FBXW8: variants seen among roughly 807,000 people sequenced by gnomAD.
FBXW8 encodes the protein F-box and WD repeat domain containing 8, also known as F-box/WD repeat-containing protein 8.
Under a neutral mutation model 65.3 loss-of-function variants are expected in FBXW8, and 57 were observed. That is an observed-to-expected ratio of 0.87 (90% CI 0.71 to 1.09). FBXW8 has a LOEUF of 1.09. FBXW8 is among the 50% of genes least tolerant of loss of function. The pLI is 0.00. For missense variants in FBXW8, 777 were observed against 814.8 expected, an observed-to-expected ratio of 0.95 and a Z score of 0.57; for synonymous variants, 308 against 330.2, an observed-to-expected ratio of 0.93 and a Z score of 0.73.
rs149559262 is a variant in FBXW8 at position 116,917,471 on chromosome 12, C to T, written c.318+6116C>T. Among the ~76,000 whole-genome samples the T allele has an allele frequency of 1.4e-3, 208 of 152,352 alleles. 1 individual carries two copies. The highest frequency in any genetic ancestry group is 4.3e-3 in the African/African-American group (178 of 41,584). ...CCTTCTTACACTTCCTCCCTGCCCC[C>T]GTTTCTTCTCCAACCTTTGGCACTT... On this transcript the variant is annotated intron_variant, in intron 1 of 10. Transcript: ENST00000652555.
rs2137391106 is a variant in FBXW8, at chr12:116,964,781, T to C, written c.762T>C (p.Asp254=). 6.2e-7 allele frequency: 1 copy of C among 1,613,438 alleles called. No individual in the cohort carries two copies. Among genetic ancestry groups the C allele is most frequent in the Admixed American group, 1.7e-5 (1 of 60,010 alleles). ...TCCTGGAATCAGAGGACGAGGAGGA[T>C]GAGCCTGGAATGCAGCCAAATGTCT... is the stretch of plus-strand genomic sequence containing the variant. The part of the protein sequence containing the change: ...APFLESEDEE[D]EPGMQPNVSF... Residue 254 remains aspartate (D), a synonymous_variant, in exon 5 of 11, where the codon GAT becomes GAC. Coordinates refer to ENST00000652555, the MANE Select transcript of FBXW8 (RefSeq NM_153348.3).
At chr12:116,956,957 G>C (rs1565913629) in intron 4 of FBXW8, among the ~76,000 whole-genome samples, 1 of 151,590 alleles carries the variant, frequency 6.6e-6, no homozygotes, top group Non-Finnish European at 1.5e-5. Context: ...AACAGAGTGA[G>C]ACTCCATCTC....
chr12:116,923,717 A>AATTT (rs567674322), intron 1 of FBXW8, among the ~76,000 whole-genome samples: 6 of 140,220 alleles, frequency 4.3e-5, no homozygotes, highest in Admixed American at 7.2e-5. Context: ...TTAATTAATT[A>AATTT]ATTTATTTAT....
At chr12:117,001,982 TGA>T (rs374116125) in intron 7 of FBXW8, among the ~76,000 whole-genome samples, 1 of 152,126 alleles carries the variant, frequency 6.6e-6, no homozygotes, top group Non-Finnish European at 1.5e-5. Flanking sequence ...ACGGACGTGC[TGA>T]GAGAGAGAGA....
intron 7 of FBXW8, among the ~76,000 whole-genome samples, chr12:116,991,750 G>T (rs1315232104): frequency 6.6e-6 from 1 of 152,226 alleles, no homozygotes; most frequent in African/African-American, 2.4e-5. Flanking sequence ...TTTAGCTGTA[G>T]TCCATTATTG....
chr12:116,912,574 C>T (rs1048278556), intron 1 of FBXW8, among the ~76,000 whole-genome samples: 2 of 151,406 alleles, frequency 1.3e-5, no homozygotes, highest in Admixed American at 6.6e-5. Flanking sequence ...ATTCTCCTGC[C>T]TCAGCCTCCC....
chr12:117,027,332 T>C, intron 9 of FBXW8, 62 bp from the exon 10 acceptor site: 1 of 1,289,024 alleles, frequency 7.8e-7, no homozygotes. Flanking sequence ...CTCCCAGGCC[T>C]GCGGCAGCAA....
chr12:116,918,893 A>T (rs1880650694), intron 1 of FBXW8, among the ~76,000 whole-genome samples: 1 of 152,172 alleles, frequency 6.6e-6, no homozygotes. Context: ...CACCTTATCC[A>T]CTGGAGATAC....
intron 6 of FBXW8, chr12:116,987,129 A>G (rs1885750266): frequency 6.6e-6 from 1 of 152,234 alleles, no homozygotes; most frequent in African/African-American, 2.4e-5. Flanking sequence ...CTGCGATATT[A>G]GCCTAGTGCG....
At chr12:116,983,252 T>C (rs1042875215) in intron 5 of FBXW8, among the ~76,000 whole-genome samples, 15 of 152,202 alleles carry the variant, frequency 9.9e-5, no homozygotes, top group African/African-American at 3.4e-4. Context: ...ATCTCCCATC[T>C]GATATGTAGA....
chr12:116,928,394 G>A (rs1009333096), intron 2 of FBXW8, among the ~76,000 whole-genome samples: 4 of 152,156 alleles, frequency 2.6e-5, no homozygotes, highest in Admixed American at 6.5e-5. Context: ...GCTGGTGGCC[G>A]ACAACTTGGT....
intron 5 of FBXW8, among the ~76,000 whole-genome samples, chr12:116,975,774 C>T (rs185050099): frequency 2.4e-4 from 36 of 152,212 alleles, no homozygotes; most frequent in Middle Eastern, 6.8e-3. Flanking sequence ...GAGGCCTACA[C>T]AATAAATGAG....
rs767397308 is a variant in FBXW8, at chr12:116,945,532, G to C, written c.588+4G>C. On this transcript the variant is annotated splice_donor_region_variant and intron_variant, in intron 3 of 10. Transcript: ENST00000652555. ...CATGTTACGAACCAACTGGAAGGTGGGCAGTGGCCAATATCATTACCTGTG... is the reference window on the plus strand; with the variant it reads ...CATGTTACGAACCAACTGGAAGGTGCGCAGTGGCCAATATCATTACCTGTG... The C allele has an allele frequency of 6.2e-7, 1 of 1,612,930 alleles. No homozygotes were observed. The highest frequency in any genetic ancestry group is 1.3e-5 in the African/African-American group (1 of 74,922).
In FBXW8 at chr12:116,953,169, G is replaced by T. The variant is rs1883396189; in HGVS notation, c.677+3463G>T. On this transcript the variant is annotated intron_variant, in intron 4 of 10. Coordinates refer to ENST00000652555, the MANE Select transcript of FBXW8 (RefSeq NM_153348.3). ...CTGCCACCTATATATGATGTTATAT[G>T]GGAAACTAGAGAAATGCCTATGTCT... Among the ~76,000 whole-genome samples, 5 of 152,150 alleles carry T rather than the reference G, an allele frequency of 3.3e-5. No individual in the cohort carries two copies. In the South Asian group the frequency reaches 1.0e-3, roughly 32 times the overall value.
intron 4 of FBXW8, chr12:116,950,707 A>G (rs1008848302): frequency 6.6e-6 from 1 of 152,160 alleles, no homozygotes. Flanking sequence ...ACTGGCTATG[A>G]TTTAGAGGTG....
rs182597364 is a variant in FBXW8 at position 116,929,095 on chromosome 12, C to T, written c.423+968C>T. 2.4e-3 allele frequency among the ~76,000 whole-genome samples: 357 copies of T among 149,542 alleles called. 1 individual carries two copies. Among genetic ancestry groups the T allele is most frequent in the African/African-American group, 4.3e-3 (173 of 40,704 alleles). On this transcript the variant is annotated intron_variant, in intron 2 of 10. Transcript: ENST00000652555. ...TGCTGGGATTACAGGCATGAGCCAC[C>T]GCGCCCGGCCCCATTGATGGTCTGC...
At chr12:116,949,570 G>C (rs373550067) in intron 3 of FBXW8, 48 bp from the exon 4 acceptor site, 1 of 1,557,792 alleles carries the variant, frequency 6.4e-7, no homozygotes, top group African/African-American at 1.4e-5. Context: ...TTGGCTTTCG[G>C]GCTGTCCCGA....
At chr12:116,921,207 T>C (rs1163678179) in intron 1 of FBXW8, among the ~76,000 whole-genome samples, 2 of 152,254 alleles carry the variant, frequency 1.3e-5, no homozygotes, top group Non-Finnish European at 2.9e-5. Flanking sequence ...TGGACATTTA[T>C]TGTGCATCTA....
rs919875051 is a variant in FBXW8 at position 116,946,909 on chromosome 12, G to A, written c.588+1381G>A. Among the ~76,000 whole-genome samples the A allele has an allele frequency of 2.8e-4, 43 of 152,012 alleles. 1 individual carries two copies. The highest frequency in any genetic ancestry group is 2.8e-3 in the Admixed American group (43 of 15,240). On this transcript the variant is annotated intron_variant, in intron 3 of 10. Transcript: ENST00000652555. Reference sequence around the variant, plus strand: ...AAGCTTGAGAGCTGAATGTTAACGGGGTCCTTTCTCTCCAGAAAGGAGAGA... The same window carrying A: ...AAGCTTGAGAGCTGAATGTTAACGGAGTCCTTTCTCTCCAGAAAGGAGAGA...
Sources: allele counts gnomAD v4.1 joint callset (sites outside exome capture counted in the v4.1 genomes callset), GRCh38; gene constraint gnomAD v4.1.1; transcripts MANE v1.5; gene names NCBI Gene and HGNC (gene_info 2026-07-23, HGNC 2026-07-21).